NSMCE1: variants seen among roughly 807,000 people sequenced by gnomAD.
The protein encoded by NSMCE1 is non-structural maintenance of chromosomes element 1 homolog.
NSMCE1 carries 18 observed loss-of-function variants against 29.6 expected under a neutral mutation model. The observed-to-expected ratio is 0.61, with a 90% CI of 0.42 to 0.90. The LOEUF is 0.90. NSMCE1 is among the 40% of genes least tolerant of loss of function. The pLI is 0.00. For synonymous variants in NSMCE1, 124 were observed against 133.4 expected, an observed-to-expected ratio of 0.93 and a Z score of 0.49; for missense variants, 314 against 343.6, an observed-to-expected ratio of 0.91 and a Z score of 0.68.
chr16:27,249,678 C>G (rs992979963), intron 2 of NSMCE1, among the ~76,000 whole-genome samples: 1 of 152,202 alleles, frequency 6.6e-6, no homozygotes, highest in Non-Finnish European at 1.5e-5. Flanking sequence ...GACAGCCATA[C>G]AGTAAGTCTT....
chr16:27,257,009 C>G (rs942801282), intron 2 of NSMCE1, among the ~76,000 whole-genome samples: 5 of 152,178 alleles, frequency 3.3e-5, no homozygotes, highest in African/African-American at 1.2e-4. Flanking sequence ...GCCACCGCAC[C>G]CAGCCAAGCT....
At chr16:27,257,300 G>T in intron 2 of NSMCE1, 135 bp downstream of exon 2, 1 of 626,830 alleles carries the variant, frequency 1.6e-6, no homozygotes, top group Non-Finnish European at 2.5e-6. Flanking sequence ...AGATGGGCCC[G>T]TGTAAGATTG....
chr16:27,247,341 TGAA>T lies in NSMCE1; in HGVS notation c.136+10091_136+10093del, dbSNP rs776529219. Among the ~76,000 whole-genome samples, 10 of 152,234 alleles carry T rather than the reference TGAA, an allele frequency of 6.6e-5. No homozygotes were observed. In the East Asian group the frequency reaches 1.7e-3, roughly 26 times the overall value. ...CTTCTCCTTCCTGCCTGCCACCATGTGAAGAAGGATGTGTTTGCTTCCCCTTCC... is the reference window on the plus strand; with the variant it reads ...CTTCTCCTTCCTGCCTGCCACCATGTGAAGGATGTGTTTGCTTCCCCTTCC... On this transcript the variant is annotated intron_variant, in intron 2 of 7. Transcript: ENST00000361439.
At chr16:27,258,735 T>G (rs932303036) in intron 1 of NSMCE1, among the ~76,000 whole-genome samples, 1 of 152,042 alleles carries the variant, frequency 6.6e-6, no homozygotes, top group Non-Finnish European at 1.5e-5. Flanking sequence ...TGCTAATTAC[T>G]GCTCTTTTGT....
Position 27,257,589 on chromosome 16 carries a change from G to C in NSMCE1, c.-11-8C>G. On this transcript the variant is annotated splice_region_variant and splice_polypyrimidine_tract_variant and intron_variant, in intron 1 of 7. Coordinates refer to ENST00000361439, the MANE Select transcript of NSMCE1 (RefSeq NM_145080.4). ...CCTGCATGTGGGAACGAACTGAAAA[G>C]GAAGTAAATGACACTAGTCAACCCC... The C allele has an allele frequency of 3.7e-6, 6 of 1,603,488 alleles. No homozygotes were observed. Among genetic ancestry groups the C allele is most frequent in the African/African-American group, 1.3e-5 (1 of 74,744 alleles).
chr16:27,229,928 C>T (rs1567272306), intron 5 of NSMCE1, among the ~76,000 whole-genome samples: 1 of 152,206 alleles, frequency 6.6e-6, no homozygotes, highest in Non-Finnish European at 1.5e-5. Flanking sequence ...GCACCCAAGG[C>T]TCACCATTCA....
At chr16:27,251,189 T>TATATATATATATATAAAA (rs1459861130) in intron 2 of NSMCE1, among the ~76,000 whole-genome samples, 4 of 58,808 alleles carry the variant, frequency 6.8e-5, no homozygotes, top group African/African-American at 3.0e-4. Context: ...TATATATATA[T>TATATATATATATATAAAA]AAATATATAT....
At chr16:27,228,408 C>T (rs2140985662) in intron 5 of NSMCE1, among the ~76,000 whole-genome samples, 1 of 152,160 alleles carries the variant, frequency 6.6e-6, no homozygotes, top group East Asian at 1.9e-4. Context: ...AGGCTGTCCT[C>T]GGTCCTCAGT....
intron 7 of NSMCE1, 97 bp downstream of exon 7, chr16:27,225,629 G>C: frequency 6.9e-7 from 1 of 1,442,512 alleles, no homozygotes; most frequent in Non-Finnish European, 9.5e-7. Flanking sequence ...ACACACCCTG[G>C]AGCCCTTCAG....
chr16:27,252,832 T>C (rs1180815791), intron 2 of NSMCE1, among the ~76,000 whole-genome samples: 1 of 152,102 alleles, frequency 6.6e-6, no homozygotes, highest in African/African-American at 2.4e-5. Flanking sequence ...GGCAGGAGAA[T>C]CGCTTGAACC....
chr16:27,244,214 C>T (rs1287827747), intron 2 of NSMCE1, among the ~76,000 whole-genome samples: 4 of 152,224 alleles, frequency 2.6e-5, no homozygotes, highest in East Asian at 1.9e-4. Flanking sequence ...GCCTGGTCTC[C>T]GTTTATGTTC....
At chr16:27,236,382 C>T (rs1268518153) in intron 2 of NSMCE1, among the ~76,000 whole-genome samples, 2 of 151,666 alleles carry the variant, frequency 1.3e-5, no homozygotes, top group Middle Eastern at 6.8e-3. Flanking sequence ...CTGCAACCTC[C>T]ACCTCCCGGG....
chr16:27,238,980 C>T (rs2083859532), intron 2 of NSMCE1, among the ~76,000 whole-genome samples: 1 of 152,118 alleles, frequency 6.6e-6, no homozygotes, highest in African/African-American at 2.4e-5. Context: ...AGCGATCCTC[C>T]TGCCTCAGCC....
At chr16:27,231,284 G>A (rs948183486) in intron 5 of NSMCE1, among the ~76,000 whole-genome samples, 1 of 152,242 alleles carries the variant, frequency 6.6e-6, no homozygotes, top group African/African-American at 2.4e-5. Context: ...TGAGGTGCCA[G>A]GCACTACATT....
chr16:27,231,780 A>G (rs2083765155), intron 5 of NSMCE1, among the ~76,000 whole-genome samples: 1 of 152,186 alleles, frequency 6.6e-6, no homozygotes, highest in Admixed American at 6.5e-5. Context: ...CATTGATGGG[A>G]GCTGCAGTCC....
rs1448477215 is a variant in NSMCE1 at position 27,251,181 on chromosome 16, TATATATATAAATATATATATATATATAA to T, written c.136+6226_136+6253del. On this transcript the variant is annotated intron_variant, in intron 2 of 7. Coordinates refer to ENST00000361439, the MANE Select transcript of NSMCE1 (RefSeq NM_145080.4). ...TAAAATATATATATATATATATATA[TATATATATAAATATATATATATATATAA>T]AACTCTGTAGAGTTCAGACTCCTCA... Among the ~76,000 whole-genome samples, 4 of 52,112 alleles carry T rather than the reference TATATATATAAATATATATATATATATAA, an allele frequency of 7.7e-5. No homozygotes were observed. The African/African-American group carries it at 8.1e-4, about 11-fold the overall frequency. The allele number at this position is 52,112 out of a possible 152,430, so 34.2% of individuals were successfully genotyped here.
intron 3 of NSMCE1, among the ~76,000 whole-genome samples, chr16:27,234,495 G>A (rs1193063923): frequency 6.6e-5 from 10 of 152,312 alleles, no homozygotes; most frequent in Non-Finnish European, 7.3e-5. Context: ...CAAAGGGTGT[G>A]CAGTATTTTC....
In NSMCE1 at chr16:27,231,553, C is replaced by T. The variant is rs1307312970; in HGVS notation, c.483+1448G>A. 3.3e-5 allele frequency among the ~76,000 whole-genome samples: 5 copies of T among 151,846 alleles called. 1 individual carries two copies. In the South Asian group the frequency reaches 1.0e-3, roughly 31 times the overall value. ...TTGGGAGGCTGAGGCAGGAGAATCG[C>T]TTGAATCCGGGAGGTTGAGGTTGCG... On this transcript the variant is annotated intron_variant, in intron 5 of 7. Transcript: ENST00000361439.
At chr16:27,245,743 C>A (rs777873059) in intron 2 of NSMCE1, among the ~76,000 whole-genome samples, 10 of 152,096 alleles carry the variant, frequency 6.6e-5, no homozygotes, top group Non-Finnish European at 1.5e-4. Flanking sequence ...TCATTTTTTG[C>A]CACTTTTCAG....
Sources: gnomAD v4.1 joint callset for allele counts (sites outside exome capture counted in the v4.1 genomes callset) on GRCh38, gnomAD v4.1.1 for gene constraint, MANE v1.5 for transcripts, NCBI Gene and HGNC (gene_info 2026-07-23, HGNC 2026-07-21) for gene names.